The following MBTPS1 variants were observed in gnomAD, a reference collection of about 807,000 sequenced individuals.
MBTPS1 encodes membrane-bound transcription factor site-1 protease.
In MBTPS1, 94 loss-of-function variants were observed where a neutral mutation model predicts 127.8. The observed-to-expected ratio is 0.74, with a 90% CI of 0.62 to 0.87. The LOEUF is 0.87. Among genes scored for constraint, MBTPS1 ranks in the 40% least tolerant of loss-of-function variants. The probability of loss-of-function intolerance (pLI) is 0.00; values close to 1 mark genes in which losing one functional copy is unlikely to be tolerated. For missense variants in MBTPS1, 1,636 were observed against 1,353.2 expected (o/e 1.21, Z -3.28); for synonymous variants, 632 against 509.4 (o/e 1.24, Z -3.24).
intron 21 of MBTPS1, among the ~76,000 whole-genome samples, chr16:84,058,948 T>C (rs1450762242): frequency 6.6e-6 from 1 of 152,160 alleles, no homozygotes; most frequent in Non-Finnish European, 1.5e-5. Flanking sequence ...CTGTATCTTA[T>C]CATCAATGTC....
At position 84,054,412 on chromosome 16, in the gene MBTPS1, G is replaced by A. The variant is rs1395579820; in HGVS notation, c.*37C>T. 6.5e-7 allele frequency: 1 copy of A among 1,541,334 alleles called. No individual in the cohort carries two copies. Among genetic ancestry groups the A allele is most frequent in the Non-Finnish European group, 8.8e-7 (1 of 1,142,052 alleles). ...CTCACCCACCAGCGCCGTCCGTGAA[G>A]GCTCTCTCTGGCCCTCACGGTCAGC... On this transcript the variant is annotated 3_prime_UTR_variant, in exon 23 of 23. Transcript: ENST00000343411.
intron 3 of MBTPS1, among the ~76,000 whole-genome samples, chr16:84,097,953 T>G (rs930636983): frequency 9.9e-5 from 15 of 152,010 alleles, no homozygotes; most frequent in Non-Finnish European, 1.6e-4. Context: ...AAATTTTAAT[T>G]TCTTCTTCCT....
intron 2 of MBTPS1, among the ~76,000 whole-genome samples, chr16:84,100,430 G>C (rs2086238088): frequency 6.6e-6 from 1 of 152,182 alleles, no homozygotes; most frequent in Non-Finnish European, 1.5e-5. Context: ...TGTAATCCCA[G>C]CTACTCGGGA....
intron 20 of MBTPS1, 60 bp from the exon 21 acceptor site, chr16:84,059,488 G>A: frequency 4.0e-6 from 6 of 1,513,110 alleles, no homozygotes; most frequent in Admixed American, 1.8e-5. Flanking sequence ...AAATGCAAAG[G>A]AAAAAGGAGG....
At chr16:84,098,036 A>C (rs146459427) in intron 3 of MBTPS1, among the ~76,000 whole-genome samples, 304 of 152,282 alleles carry the variant, frequency 2.0e-3, no homozygotes, top group African/African-American at 7.2e-3. Context: ...TAAACAGGGA[A>C]AAAAAACCCT....
At chr16:84,113,468 A>G (rs1015210333) in intron 1 of MBTPS1, among the ~76,000 whole-genome samples, 3 of 152,260 alleles carry the variant, frequency 2.0e-5, no homozygotes, top group Admixed American at 1.3e-4. Flanking sequence ...ATAGAAATAG[A>G]AAATAGTATT....
At chr16:84,101,001 A>G (rs1420761750) in intron 2 of MBTPS1, among the ~76,000 whole-genome samples, 1 of 146,306 alleles carries the variant, frequency 6.8e-6, no homozygotes, top group African/African-American at 2.5e-5. Context: ...TAAAAATACA[A>G]AAAAAAAAAA....
chr16:84,075,378 G>C (rs1221775348), intron 11 of MBTPS1: 3 of 152,232 alleles, frequency 2.0e-5, no homozygotes, highest in African/African-American at 7.2e-5. Flanking sequence ...CAAGTGCTCT[G>C]GCAATTATGT....
chr16:84,070,564 A>G (rs2085754984), intron 13 of MBTPS1, 24 bp downstream of exon 13: 1 of 1,607,376 alleles, frequency 6.2e-7, no homozygotes, highest in African/African-American at 1.3e-5. Context: ...TAAGAAAACA[A>G]GCCACTTTCC....
chr16:84,074,040 G>A (rs1184557283), intron 12 of MBTPS1, among the ~76,000 whole-genome samples: 2 of 151,986 alleles, frequency 1.3e-5, no homozygotes, highest in African/African-American at 2.4e-5. Flanking sequence ...CTACAACTGG[G>A]CCTTTAATTA....
rs367573579 is a variant in MBTPS1 at position 84,092,947 on chromosome 16, G to C, written c.846+241C>G. On this transcript the variant is annotated intron_variant, in intron 6 of 22. Coordinates refer to ENST00000343411, the MANE Select transcript of MBTPS1 (RefSeq NM_003791.4). ...AAACAAGGGAAATCAAAGAATCGTC[G>C]TAAGTAGTAGCCTCGGCAGGGTCTT... 1.1e-3 allele frequency among the ~76,000 whole-genome samples: 172 copies of C among 152,320 alleles called. 4 individuals carry two copies. The South Asian group carries it at 0.027, about 24-fold the overall frequency.
At chr16:84,071,080 T>C (rs73249024) in intron 12 of MBTPS1, among the ~76,000 whole-genome samples, 9,328 of 152,240 alleles carry the variant, frequency 0.061, 529 homozygotes, top group African/African-American at 0.15. Flanking sequence ...AAAAACTTCA[T>C]CTGACTAAGA....
At chr16:84,100,668 A>G (rs1457845332) in intron 2 of MBTPS1, among the ~76,000 whole-genome samples, 2 of 151,418 alleles carry the variant, frequency 1.3e-5, no homozygotes, top group African/African-American at 2.4e-5. Context: ...CCAAGGCTGC[A>G]ATGAGCTGAG....
At chr16:84,113,148 G>A (rs1056305323) in intron 1 of MBTPS1, among the ~76,000 whole-genome samples, 1 of 152,102 alleles carries the variant, frequency 6.6e-6, no homozygotes, top group South Asian at 2.1e-4. Context: ...CCAGCCTAAG[G>A]AAAAGATAGC....
chr16:84,068,177 C>T (rs2085716516), intron 15 of MBTPS1, among the ~76,000 whole-genome samples, 162 bp downstream of exon 15: 2 of 152,264 alleles, frequency 1.3e-5, no homozygotes, highest in African/African-American at 4.8e-5. Context: ...ACACCGCCAC[C>T]ACCTGTTTCA....
rs1555509765 is a variant in MBTPS1, at chr16:84,070,040, T to TG, written c.1783-3_1783-2insC. ...AGTCTGTTCTGCACCATTTTTTGAC[T>TG]AAAAAAAAAGAAAAGAAACTTGAAA... On this transcript the variant is annotated splice_region_variant and splice_polypyrimidine_tract_variant and intron_variant, in intron 13 of 22. Transcript: ENST00000343411. The TG allele has an allele frequency of 5.2e-6, 8 of 1,532,786 alleles. No individual in the cohort carries two copies. The highest frequency in any genetic ancestry group is 3.5e-6 in the Non-Finnish European group (4 of 1,143,246). The allele number at this position is 1,532,786 out of a possible 1,614,324, so 94.9% of individuals were successfully genotyped here.
At chr16:84,095,869 G>A in intron 3 of MBTPS1, 64 bp from the exon 4 acceptor site, 2 of 1,346,996 alleles carry the variant, frequency 1.5e-6, no homozygotes, top group Admixed American at 3.4e-5. Context: ...TACCCGCCAG[G>A]CAAAACTATC....
At chr16:84,110,651 C>G (rs1362300422) in intron 1 of MBTPS1, 5 of 152,186 alleles carry the variant, frequency 3.3e-5, no homozygotes, top group Admixed American at 3.3e-4. Flanking sequence ...ATCCTCCCAA[C>G]AACCCGTTAC....
intron 22 of MBTPS1, 67 bp from the exon 23 acceptor site, chr16:84,054,712 G>C: frequency 2.4e-6 from 3 of 1,272,088 alleles, no homozygotes; most frequent in Admixed American, 5.1e-5. Flanking sequence ...CTTTTTCTAT[G>C]ACGGCTGGAT....
Sources: allele counts gnomAD v4.1 joint callset (sites outside exome capture counted in the v4.1 genomes callset), GRCh38; gene constraint gnomAD v4.1.1; transcripts MANE v1.5; gene names NCBI Gene and HGNC (gene_info 2026-07-23, HGNC 2026-07-21).